The following IFT88 variants were observed in gnomAD, a reference collection of about 807,000 sequenced individuals.
The protein encoded by IFT88 is intraflagellar transport 88, also known as intraflagellar transport protein 88 homolog.
A neutral mutation model predicts 119.5 loss-of-function variants in IFT88; 74 were observed. The observed-to-expected ratio is 0.62, with a 90% CI of 0.51 to 0.75. The LOEUF (loss-of-function observed/expected upper bound fraction) is 0.75. Ranked by LOEUF, IFT88 falls within the 30% of genes least tolerant of loss-of-function variation. The probability of loss-of-function intolerance (pLI) is 0.00; values close to 1 mark genes in which losing one functional copy is unlikely to be tolerated. For synonymous variants in IFT88, 279 were observed against 316.7 expected (o/e 0.88, Z 1.26); for missense variants, 961 against 977.7 (o/e 0.98, Z 0.23).
At chr13:20,657,681 A>G (rs1458938264) in intron 22 of IFT88, among the ~76,000 whole-genome samples, 2 of 152,174 alleles carry the variant, frequency 1.3e-5, no homozygotes, top group Non-Finnish European at 2.9e-5. Flanking sequence ...TAATCCCAGC[A>G]CTTTGGGAGG....
chr13:20,633,785 A>G (rs1408801668), intron 16 of IFT88, among the ~76,000 whole-genome samples: 1 of 152,180 alleles, frequency 6.6e-6, no homozygotes, highest in East Asian at 1.9e-4. Flanking sequence ...TGAGTCTGCT[A>G]TGTAGTTTTA....
intron 24 of IFT88, among the ~76,000 whole-genome samples, chr13:20,672,191 C>A (rs750099077): frequency 6.6e-6 from 1 of 152,134 alleles, no homozygotes; most frequent in Non-Finnish European, 1.5e-5. Context: ...GAGTCTTCGT[C>A]CCAATTGCAG....
At chr13:20,685,229 A>ACAG (rs2057774298) in intron 24 of IFT88, among the ~76,000 whole-genome samples, 1 of 152,210 alleles carries the variant, frequency 6.6e-6, no homozygotes, top group East Asian at 1.9e-4. Context: ...GTTTATGGCT[A>ACAG]GAGCAGTTTT....
At chr13:20,645,813 A>C (rs2050663295) in intron 20 of IFT88, among the ~76,000 whole-genome samples, 1 of 152,214 alleles carries the variant, frequency 6.6e-6, no homozygotes, top group Non-Finnish European at 1.5e-5. Context: ...TTGAATGATA[A>C]AGAAATGCTT....
At chr13:20,681,465 T>C (rs1411285576) in intron 24 of IFT88, among the ~76,000 whole-genome samples, 1 of 152,278 alleles carries the variant, frequency 6.6e-6, no homozygotes, top group African/African-American at 2.4e-5. Flanking sequence ...CGCTGGATAA[T>C]AGCTTTAGCT....
At chr13:20,683,777 ATCC>A (rs2057585747) in intron 24 of IFT88, among the ~76,000 whole-genome samples, 2 of 152,070 alleles carry the variant, frequency 1.3e-5, no homozygotes, top group African/African-American at 4.8e-5. Flanking sequence ...GTGCTTCCAA[ATCC>A]TCCTGTTTGA....
intron 24 of IFT88, among the ~76,000 whole-genome samples, chr13:20,687,149 C>T (rs1313581929): frequency 6.6e-6 from 1 of 151,260 alleles, no homozygotes; most frequent in South Asian, 2.1e-4. Context: ...GGGATGTAGT[C>T]GGCCACCAAC....
At chr13:20,656,544 G>A (rs1594702074) in intron 22 of IFT88, 114 bp downstream of exon 22, 2 of 408,742 alleles carry the variant, frequency 4.9e-6, no homozygotes, top group South Asian at 9.8e-5. Flanking sequence ...CCTATAATTT[G>A]TGATACATAT....
intron 24 of IFT88, among the ~76,000 whole-genome samples, chr13:20,677,304 G>T (rs994640104): frequency 1.3e-5 from 2 of 152,118 alleles, no homozygotes; most frequent in African/African-American, 4.8e-5. Context: ...AGGGGGTGAG[G>T]GTTGAAATCA....
intron 1 of IFT88, among the ~76,000 whole-genome samples, chr13:20,569,349 G>A (rs535732861): frequency 3.9e-5 from 6 of 151,952 alleles, no homozygotes; most frequent in Middle Eastern, 3.4e-3. Flanking sequence ...CGAGCCGGGC[G>A]GATCACGAGG....
At chr13:20,591,775 C>A in intron 6 of IFT88, 94 bp downstream of exon 6, 2 of 792,220 alleles carry the variant, frequency 2.5e-6, no homozygotes, top group Non-Finnish European at 4.1e-6. Flanking sequence ...TAAATAAAAT[C>A]TAACAATGCC....
intron 2 of IFT88, among the ~76,000 whole-genome samples, chr13:20,576,272 C>G (rs577508838): frequency 6.6e-6 from 1 of 151,798 alleles, no homozygotes; most frequent in South Asian, 2.1e-4. Context: ...GGTTATTAAT[C>G]CCTTGTCAGA....
At chr13:20,648,121 G>A (rs1169019405) in intron 20 of IFT88, among the ~76,000 whole-genome samples, 3 of 152,212 alleles carry the variant, frequency 2.0e-5, no homozygotes, top group Non-Finnish European at 4.4e-5. Context: ...TCCTGGCCAA[G>A]CGTGATGGCT....
chr13:20,633,098 T>C (rs1405210439), intron 16 of IFT88, among the ~76,000 whole-genome samples: 1 of 152,216 alleles, frequency 6.6e-6, no homozygotes, highest in African/African-American at 2.4e-5. Context: ...ATGTTGTGTT[T>C]CTTTTTAAAT....
At position 20,589,770 on chromosome 13, in the gene IFT88, C is replaced by G. The variant is rs772814467; in HGVS notation, c.154-41C>G. ...TTTTCCAGTTTTCTATTATATAGCT[C>G]AGTCTGAATCCTGTTAACTATGTTC... is the stretch of plus-strand genomic sequence containing the variant. On this transcript the variant is annotated intron_variant, in intron 3 of 25. Transcript: ENST00000351808. 4.5e-6 allele frequency: 6 copies of G among 1,323,714 alleles called. No individual in the cohort carries two copies. In the Admixed American group the frequency reaches 1.0e-4, roughly 23 times the overall value. The allele number at this position is 1,323,714 out of a possible 1,614,324, so 82.0% of individuals were successfully genotyped here. A position where few individuals can be genotyped will look rare whatever the true frequency, so the allele number is the denominator to read the frequency against.
intron 8 of IFT88, among the ~76,000 whole-genome samples, chr13:20,596,659 C>T (rs2041696769): frequency 6.6e-6 from 1 of 152,146 alleles, no homozygotes; most frequent in Admixed American, 6.5e-5. Context: ...TTTTGGGAAT[C>T]TAACTTGGCT....
chr13:20,636,721 TCA>T (rs1423554342), intron 16 of IFT88, among the ~76,000 whole-genome samples: 5 of 152,258 alleles, frequency 3.3e-5, no homozygotes, highest in Admixed American at 3.3e-4. Flanking sequence ...ACAGCTTTTC[TCA>T]GTTTTGCCTG....
At chr13:20,598,453 T>A (rs553102154) in intron 9 of IFT88, among the ~76,000 whole-genome samples, 198 bp from the exon 10 acceptor site, 1 of 152,218 alleles carries the variant, frequency 6.6e-6, no homozygotes, top group South Asian at 2.1e-4. Context: ...TAAGGTGAAA[T>A]TTAGAGGACA....
At chr13:20,614,000 A>G (rs971296713) in intron 13 of IFT88, among the ~76,000 whole-genome samples, 18 of 152,014 alleles carry the variant, frequency 1.2e-4, no homozygotes, top group Non-Finnish European at 2.2e-4. Flanking sequence ...TTTTGGGATG[A>G]TGAAAATGTT....
Sources: gnomAD v4.1 joint callset for allele counts (sites outside exome capture counted in the v4.1 genomes callset) on GRCh38, gnomAD v4.1.1 for gene constraint, MANE v1.5 for transcripts, NCBI Gene and HGNC (gene_info 2026-07-23, HGNC 2026-07-21) for gene names.